The following NCF2 variants were observed in gnomAD, a reference collection of about 807,000 sequenced individuals.
NCF2 encodes the protein neutrophil cytosolic factor 2, also known as neutrophil cytosol factor 2.
NCF2 carries 45 observed loss-of-function variants against 70.9 expected under a neutral mutation model. The ratio of observed to expected loss-of-function variants is 0.63; its 90% CI spans 0.50 to 0.81. The LOEUF is 0.81. NCF2 is among the 40% of genes least tolerant of loss of function. The pLI is 0.00. For synonymous variants in NCF2, 203 were observed against 233.6 expected (o/e 0.87, Z 1.19); for missense variants, 522 against 631.6 (o/e 0.83, Z 1.86).
upstream of NCF2, among the ~76,000 whole-genome samples, chr1:183,595,628 G>C (rs918381015): frequency 6.6e-6 from 1 of 152,106 alleles, no homozygotes; most frequent in African/African-American, 2.4e-5. Flanking sequence ...TTCATCTGTA[G>C]CTATAGAATT....
At chr1:183,573,918 C>T (rs10911359) in intron 4 of NCF2, among the ~76,000 whole-genome samples, 69,335 of 151,980 alleles carry the variant, frequency 0.46, 16,198 homozygotes, top group East Asian at 0.62. Context: ...GGCAAAACCC[C>T]GTCTCTATTA....
At chr1:183,558,705 C>G (rs1281803350) in intron 14 of NCF2, among the ~76,000 whole-genome samples, 8 of 152,134 alleles carry the variant, frequency 5.3e-5, no homozygotes, top group Admixed American at 3.9e-4. Flanking sequence ...GCTGGGACTA[C>G]AGATGTGCAT....
chr1:183,567,440 C>G, intron 7 of NCF2, 95 bp from the exon 8 acceptor site: 4 of 1,542,212 alleles, frequency 2.6e-6, no homozygotes, highest in Non-Finnish European at 2.7e-6. Context: ...TGGCTCCAGC[C>G]TGGCTCTAAC....
rs181315724 is a variant in NCF2 at position 183,563,896 on chromosome 1, G to C, written c.1026+109C>G. 8.6e-4 allele frequency: 1,125 copies of C among 1,308,586 alleles called. 15 individuals are homozygous for C. The South Asian group carries it at 0.013, about 15-fold the overall frequency. 81.1% of individuals were successfully genotyped at this position (1,308,586 alleles called of 1,614,324 possible). ...GACTCTGTAAGGTAGCAACTGGTTC[G>C]ACCCTCCCTTTGGGGCTCTTCCTAT... On this transcript the variant is annotated intron_variant, in intron 11 of 14. Coordinates refer to ENST00000367535, the MANE Select transcript of NCF2 (RefSeq NM_000433.4).
upstream of NCF2, among the ~76,000 whole-genome samples, chr1:183,593,161 A>T (rs1016776294): frequency 1.0e-5 from 1 of 96,864 alleles, no homozygotes; most frequent in East Asian, 2.3e-4. Flanking sequence ...GTGCCTCAGG[A>T]GGAAGTCCTG....
rs372137411 is a variant in NCF2 at position 183,566,912 on chromosome 1, C to T, written c.924+8G>A. 23 of 1,613,674 alleles carry T rather than the reference C, an allele frequency of 1.4e-5. No individual in the cohort carries two copies. Among genetic ancestry groups the T allele is most frequent in the Middle Eastern group, 3.5e-4 (2 of 5,770 alleles). Reference sequence around the variant, plus strand: ...GAGGAAATGGGTCAGGCCTTGGCATCACATTACCTGGGGCTGCTGCTGAGG... The same window carrying T: ...GAGGAAATGGGTCAGGCCTTGGCATTACATTACCTGGGGCTGCTGCTGAGG... On this transcript the variant is annotated splice_region_variant and intron_variant, in intron 9 of 14. Coordinates refer to ENST00000367535, the MANE Select transcript of NCF2 (RefSeq NM_000433.4).
chr1:183,597,285 C>A, the NCF2 span, among the ~76,000 whole-genome samples: 5 of 152,094 alleles, frequency 3.3e-5, no homozygotes, highest in African/African-American at 1.2e-4. Flanking sequence ...TAGGAAGATT[C>A]CTGTCTCAGG....
chr1:183,570,922 A>G (rs1294753357), intron 5 of NCF2, 83 bp from the exon 6 acceptor site: 2 of 1,361,898 alleles, frequency 1.5e-6, no homozygotes, highest in Non-Finnish European at 2.1e-6. Context: ...CATGCCCTAG[A>G]CCTGTTCTTA....
At chr1:183,596,901 T>A in the NCF2 span, among the ~76,000 whole-genome samples, 1 of 152,220 alleles carries the variant, frequency 6.6e-6, no homozygotes, top group Non-Finnish European at 1.5e-5. Context: ...TATAGCATTT[T>A]ATGATCAAAC....
intron 2 of NCF2, among the ~76,000 whole-genome samples, chr1:183,579,763 A>G (rs935619088): frequency 6.7e-6 from 1 of 148,574 alleles, no homozygotes; most frequent in Non-Finnish European, 1.5e-5. Context: ...AAAAAAAAAA[A>G]AGAGAATAAT....
chr1:183,564,784 T>C (rs963710888), intron 10 of NCF2, among the ~76,000 whole-genome samples: 1 of 152,220 alleles, frequency 6.6e-6, no homozygotes, highest in Non-Finnish European at 1.5e-5. Context: ...ACGGGAGAAA[T>C]TTGAATATGG....
Position 183,570,851 on chromosome 1 carries a change from G to C in NCF2, c.610-12C>G. 1 of 1,614,028 alleles carries C rather than the reference G, an allele frequency of 6.2e-7. No individual in the cohort carries two copies. Among genetic ancestry groups the C allele is most frequent in the Non-Finnish European group, 8.5e-7 (1 of 1,179,952 alleles). On this transcript the variant is annotated splice_polypyrimidine_tract_variant and intron_variant, in intron 5 of 14. Coordinates refer to ENST00000367535, the MANE Select transcript of NCF2 (RefSeq NM_000433.4). The stretch of plus-strand genomic sequence containing the variant: ...ACAGATGCCACGACCTAAAATCAAG[G>C]ACAGGAGGGTGTGAGGCTCTGCCAG...
At chr1:183,575,594 G>A (rs758862027) in intron 3 of NCF2, among the ~76,000 whole-genome samples, 7 of 152,134 alleles carry the variant, frequency 4.6e-5, no homozygotes, top group Non-Finnish European at 7.4e-5. Context: ...AAAATGGCCC[G>A]ACTGAAATAA....
intron 13 of NCF2, among the ~76,000 whole-genome samples, chr1:183,562,968 T>A (rs1263961615): frequency 6.6e-6 from 1 of 152,136 alleles, no homozygotes; most frequent in East Asian, 1.9e-4. Flanking sequence ...AGGCTTTCTG[T>A]GAGCTCCTGC....
Position 183,567,357 on chromosome 1 carries a change from A to G in NCF2, c.714-12T>C. ...CCCCTTCCAGAGCCCTGCAGAGGAT[A>G]GACACAAGATCCAGCCCCCATCCCC... is the stretch of plus-strand genomic sequence containing the variant. On this transcript the variant is annotated splice_polypyrimidine_tract_variant and intron_variant, in intron 7 of 14. Coordinates refer to ENST00000367535, the MANE Select transcript of NCF2 (RefSeq NM_000433.4). 1 of 1,613,924 alleles carries G rather than the reference A, an allele frequency of 6.2e-7. No individual in the cohort carries two copies. The highest frequency in any genetic ancestry group is 8.5e-7 in the Non-Finnish European group (1 of 1,180,018).
chr1:183,557,712 T>G (rs748095453), intron 14 of NCF2, among the ~76,000 whole-genome samples: 65 of 152,208 alleles, frequency 4.3e-4, no homozygotes, highest in Non-Finnish European at 8.5e-4. Flanking sequence ...TGTTTTAGTG[T>G]GTTCTTTCAT....
chr1:183,563,664 A>T (rs1672180098), intron 11 of NCF2, 79 bp from the exon 12 acceptor site: 1 of 1,577,918 alleles, frequency 6.3e-7, no homozygotes, highest in African/African-American at 1.3e-5. Context: ...CAGTTTCGTG[A>T]TTTGGCACAG....
At chr1:183,567,092 G>A in intron 8 of NCF2, 104 bp from the exon 9 acceptor site, 1 of 1,606,636 alleles carries the variant, frequency 6.2e-7, no homozygotes, top group Admixed American at 1.7e-5. Context: ...ATGACGAACA[G>A]ACAAAAGAAC....
chr1:183,563,691 C>A (rs1672181347), intron 11 of NCF2, 106 bp from the exon 12 acceptor site: 2 of 1,398,220 alleles, frequency 1.4e-6, no homozygotes, highest in Middle Eastern at 2.5e-4. Context: ...CCCAATACAG[C>A]AGGGGAGAGG....
Sources: gnomAD v4.1 joint callset for allele counts (sites outside exome capture counted in the v4.1 genomes callset) on GRCh38, gnomAD v4.1.1 for gene constraint, MANE v1.5 for transcripts, NCBI Gene and HGNC (gene_info 2026-07-23, HGNC 2026-07-21) for gene names.